The following EIF3J variants were observed in gnomAD, a reference collection of about 807,000 sequenced individuals.
EIF3J encodes the protein eukaryotic translation initiation factor 3, subunit 1 (alpha, 35kD).
Under a neutral mutation model 39.0 loss-of-function variants are expected in EIF3J, and 15 were observed. The ratio of observed to expected loss-of-function variants is 0.38; its 90% CI spans 0.26 to 0.59. The LOEUF (loss-of-function observed/expected upper bound fraction) is 0.59, where lower values mean the gene tolerates loss of function less well. EIF3J is among the 20% of genes least tolerant of loss of function. EIF3J has a pLI of 0.60. For synonymous variants in EIF3J, 98 were observed against 112.9 expected, an observed-to-expected ratio of 0.87 and a Z score of 0.84; for missense variants, 226 against 308.6, an observed-to-expected ratio of 0.73 and a Z score of 2.00.
Position 44,549,775 on chromosome 15 carries a change from A to C in EIF3J, c.148-1101A>C, listed in dbSNP as rs569945069. Reference sequence around the variant, plus strand: ...ACGAGACTCCGTCTCAAAAAAAAAAAAAAAAAAAAAAAAAACCATTTCTAC... The same window carrying C: ...ACGAGACTCCGTCTCAAAAAAAAAACAAAAAAAAAAAAAAACCATTTCTAC... On this transcript the variant is annotated intron_variant, in intron 2 of 7. Transcript: ENST00000261868. 3.3e-5 allele frequency among the ~76,000 whole-genome samples: 5 copies of C among 150,614 alleles called. No individual in the cohort carries two copies. The South Asian group carries it at 6.3e-4, about 19-fold the overall frequency.
Position 44,543,120 on chromosome 15 carries a change from A to G in EIF3J, c.147+5693A>G, listed in dbSNP as rs117398580. ...AGCAGCGTGGTGAACATTCTACCTT[A>G]AATCTACTTTTCAGACACTTAATTT... On this transcript the variant is annotated intron_variant, in intron 2 of 7. Coordinates refer to ENST00000261868, the MANE Select transcript of EIF3J (RefSeq NM_003758.4). Among the ~76,000 whole-genome samples the G allele has an allele frequency of 3.8e-3, 579 of 152,322 alleles. 10 individuals are homozygous for G. The highest frequency in any genetic ancestry group is 0.037 in the East Asian group (194 of 5,184).
chr15:44,537,310 G>A lies in EIF3J; in HGVS notation c.44-14G>A. On this transcript the variant is annotated splice_polypyrimidine_tract_variant and intron_variant, in intron 1 of 7. Transcript: ENST00000261868. ...GCAGTGGCAGGCACTAACACGGCTC[G>A]CTTTCTTCCGTAGACGCCGACGCTT... The A allele has an allele frequency of 1.3e-6, 2 of 1,560,684 alleles. No homozygotes were observed. The highest frequency in any genetic ancestry group is 1.7e-6 in the Non-Finnish European group (2 of 1,153,010).
At chr15:44,537,262 G>C (rs772237174) in intron 1 of EIF3J, 25 bp downstream of exon 1, 1 of 1,573,428 alleles carries the variant, frequency 6.4e-7, no homozygotes, top group African/African-American at 1.4e-5. Flanking sequence ...CTGGGGCAGG[G>C]CCCGGGCCGG....
chr15:44,543,577 C>G (rs2082029355), intron 2 of EIF3J, among the ~76,000 whole-genome samples: 1 of 152,026 alleles, frequency 6.6e-6, no homozygotes. Flanking sequence ...CCACACCCAG[C>G]TAATTTTTGT....
chr15:44,551,431 A>G lies in EIF3J; in HGVS notation c.203A>G (p.Glu68Gly). Residue 68 changes from glutamate (E) to glycine (G), a missense_variant and splice_region_variant, in exon 4 of 8, where the codon GAG becomes GGG. Coordinates refer to ENST00000261868, the MANE Select transcript of EIF3J (RefSeq NM_003758.4). Reference protein sequence around the residue: ...EKKEEAEVKPEVKISEKKKIA... With the variant: ...EKKEEAEVKPGVKISEKKKIA... ...GAATAAAACTTTTTTTTACTTTTAG[A>G]GGTAAAAATTTCAGAAAAGAAAAAA... The G allele has an allele frequency of 6.4e-7, 1 of 1,562,884 alleles. No individual in the cohort carries two copies. Among genetic ancestry groups the G allele is most frequent in the Non-Finnish European group, 8.7e-7 (1 of 1,155,332 alleles).
At chr15:44,559,505 A>G (rs1472716142) in intron 6 of EIF3J, among the ~76,000 whole-genome samples, 4 of 151,820 alleles carry the variant, frequency 2.6e-5, no homozygotes, top group South Asian at 4.2e-4. Context: ...CAGGAGATCA[A>G]GAGCATCCTG....
At chr15:44,554,022 T>C (rs2082123396) in intron 4 of EIF3J, among the ~76,000 whole-genome samples, 1 of 125,166 alleles carries the variant, frequency 8.0e-6, no homozygotes, top group Admixed American at 7.3e-5. Context: ...TACCTTCTAT[T>C]TAGTTGTGGG....
chr15:44,550,838 A>C (rs1460041382), intron 2 of EIF3J, 38 bp from the exon 3 acceptor site: 3 of 1,429,034 alleles, frequency 2.1e-6, no homozygotes, highest in Admixed American at 3.7e-5. Context: ...TAGAAAAGCA[A>C]ACATGCAAGA....
At chr15:44,543,877 G>A (rs2140891785) in intron 2 of EIF3J, among the ~76,000 whole-genome samples, 1 of 152,226 alleles carries the variant, frequency 6.6e-6, no homozygotes, top group East Asian at 1.9e-4. Context: ...TGAATGTACT[G>A]AGGGAGCAGT....
chr15:44,549,879 GA>G (rs2082084893), intron 2 of EIF3J, among the ~76,000 whole-genome samples: 1 of 150,134 alleles, frequency 6.7e-6, no homozygotes, highest in South Asian at 2.1e-4. Flanking sequence ...AGAATCGCTT[GA>G]ACCTAGGAGG....
At chr15:44,546,160 T>C (rs1306559476) in intron 2 of EIF3J, among the ~76,000 whole-genome samples, 3 of 152,244 alleles carry the variant, frequency 2.0e-5, no homozygotes, top group African/African-American at 7.2e-5. Context: ...TGTACTGTGA[T>C]GTATAGCACT....
intron 6 of EIF3J, among the ~76,000 whole-genome samples, chr15:44,558,529 A>G (rs2082163703): frequency 7.5e-6 from 1 of 133,914 alleles, no homozygotes; most frequent in Non-Finnish European, 1.6e-5. Flanking sequence ...ACTCCGTCTC[A>G]AAAAAAAAAA....
chr15:44,553,456 C>CA (rs2082117758), intron 4 of EIF3J, among the ~76,000 whole-genome samples: 1 of 151,366 alleles, frequency 6.6e-6, no homozygotes, highest in South Asian at 2.1e-4. Context: ...CGCACCACTG[C>CA]ACTCCAGCCC....
intron 4 of EIF3J, among the ~76,000 whole-genome samples, chr15:44,553,181 G>C (rs1008901416): frequency 5.3e-5 from 8 of 150,052 alleles, no homozygotes; most frequent in Middle Eastern, 3.2e-3. Context: ...GCAAGATCCT[G>C]CCTCAAAACA....
chr15:44,545,841 T>C (rs1261899218), intron 2 of EIF3J, among the ~76,000 whole-genome samples: 3 of 152,224 alleles, frequency 2.0e-5, no homozygotes, highest in African/African-American at 7.2e-5. Context: ...CTTTGGTCCA[T>C]TCAGAGCAGG....
intron 2 of EIF3J, among the ~76,000 whole-genome samples, chr15:44,545,910 C>G (rs1188710841): frequency 6.6e-6 from 1 of 152,266 alleles, no homozygotes; most frequent in East Asian, 1.9e-4. Context: ...GTTTCCTTTT[C>G]TTTAAAATGG....
At chr15:44,549,242 A>G (rs1347481769) in intron 2 of EIF3J, among the ~76,000 whole-genome samples, 1 of 151,874 alleles carries the variant, frequency 6.6e-6, no homozygotes, top group East Asian at 1.9e-4. Flanking sequence ...AAAAATACAA[A>G]GTTAGCCAGG....
At chr15:44,545,790 T>C (rs1000573426) in intron 2 of EIF3J, among the ~76,000 whole-genome samples, 5 of 152,338 alleles carry the variant, frequency 3.3e-5, no homozygotes, top group Admixed American at 2.6e-4. Context: ...CCAGAACTTA[T>C]TCTTCTAACT....
chr15:44,558,249 TG>T (rs1462449197), intron 6 of EIF3J, among the ~76,000 whole-genome samples: 1 of 152,208 alleles, frequency 6.6e-6, no homozygotes, highest in Non-Finnish European at 1.5e-5. Context: ...GTTTTTGTGA[TG>T]GAGTCTTGCA....
Sources: gnomAD v4.1 joint callset for allele counts (sites outside exome capture counted in the v4.1 genomes callset) on GRCh38, gnomAD v4.1.1 for gene constraint, MANE v1.5 for transcripts, NCBI Gene and HGNC (gene_info 2026-07-23, HGNC 2026-07-21) for gene names.